ABCC4: variants seen among roughly 807,000 people sequenced by gnomAD.
ABCC4 encodes ATP binding cassette subfamily C member 4 (PEL blood group), also known as ATP-binding cassette sub-family C member 4.
ABCC4 carries 102 observed loss-of-function variants against 168.5 expected under a neutral mutation model. The observed-to-expected ratio is 0.61, with a 90% confidence interval of 0.52 to 0.71. ABCC4 has a LOEUF of 0.71. ABCC4 is among the 30% of genes least tolerant of loss of function. ABCC4 has a pLI of 0.00. For synonymous variants in ABCC4, 617 were observed against 590.7 expected (o/e 1.04, Z -0.65); for missense variants, 1,402 against 1,605.8 (o/e 0.87, Z 2.17).
At chr13:95,209,397 A>G in intron 6 of ABCC4, 37 bp downstream of exon 6, 3 of 1,603,924 alleles carry the variant, frequency 1.9e-6, no homozygotes, top group Non-Finnish European at 2.6e-6. Context: ...ATGTTACCAA[A>G]TACATATGAC....
Position 95,082,134 on chromosome 13 carries a change from T to C in ABCC4, c.2686+1006A>G, listed in dbSNP as rs147086441. On this transcript the variant is annotated intron_variant, in intron 21 of 30. Coordinates refer to ENST00000645237, the MANE Select transcript of ABCC4 (RefSeq NM_005845.5). ...TACTGAAAATGATGGGACTCAATGCTTCTCTTCTAGGCGTGGCTTCCAGAG... is the reference window on the plus strand; with the variant it reads ...TACTGAAAATGATGGGACTCAATGCCTCTCTTCTAGGCGTGGCTTCCAGAG... 9.6e-4 allele frequency among the ~76,000 whole-genome samples: 146 copies of C among 152,358 alleles called. 2 individuals are homozygous for C. The East Asian group carries it at 0.025, about 26-fold the overall frequency.
At chr13:95,157,088 CCACACA>C (rs67671921) in intron 19 of ABCC4, among the ~76,000 whole-genome samples, 8,494 of 134,670 alleles carry the variant, frequency 0.063, 289 homozygotes, top group South Asian at 0.14. Flanking sequence ...TGAGACTCTA[CCACACA>C]CACACACACA....
intron 1 of ABCC4, among the ~76,000 whole-genome samples, chr13:95,275,600 G>T (rs2040952306): frequency 8.9e-6 from 1 of 112,720 alleles, no homozygotes; most frequent in South Asian, 2.7e-4. Flanking sequence ...AAATGTTTAG[G>T]ACTCTTGGCG....
chr13:95,259,168 C>T (rs1293576831), intron 1 of ABCC4, among the ~76,000 whole-genome samples: 1 of 152,094 alleles, frequency 6.6e-6, no homozygotes, highest in Non-Finnish European at 1.5e-5. Flanking sequence ...AGGTGGATCA[C>T]CTGAGGTCAG....
chr13:95,296,849 A>C (rs1282417878), intron 1 of ABCC4, among the ~76,000 whole-genome samples: 1 of 152,220 alleles, frequency 6.6e-6, no homozygotes, highest in Non-Finnish European at 1.5e-5. Flanking sequence ...AACGGGAAAG[A>C]GGAGGAATTA....
At chr13:95,072,153 G>C (rs1301721458) in intron 24 of ABCC4, among the ~76,000 whole-genome samples, 1 of 152,156 alleles carries the variant, frequency 6.6e-6, no homozygotes, top group Non-Finnish European at 1.5e-5. Context: ...GGAATACTTA[G>C]AGCCACCAAT....
At chr13:95,048,883 T>A (rs1386620408) in intron 27 of ABCC4, among the ~76,000 whole-genome samples, 2 of 152,244 alleles carry the variant, frequency 1.3e-5, no homozygotes, top group Non-Finnish European at 2.9e-5. Flanking sequence ...GACTTTTTTC[T>A]CATAAACGAC....
intron 4 of ABCC4, among the ~76,000 whole-genome samples, chr13:95,233,248 A>G (rs1169272148): frequency 6.6e-6 from 1 of 152,010 alleles, no homozygotes; most frequent in Non-Finnish European, 1.5e-5. Flanking sequence ...TACATTATAT[A>G]ATGTATATTT....
At chr13:95,148,531 C>A (rs2036568803) in intron 19 of ABCC4, among the ~76,000 whole-genome samples, 1 of 150,688 alleles carries the variant, frequency 6.6e-6, no homozygotes, top group African/African-American at 2.4e-5. Flanking sequence ...AAATATAATT[C>A]TTATTGTGGT....
intron 21 of ABCC4, among the ~76,000 whole-genome samples, chr13:95,081,998 A>AAAAT (rs560597073): frequency 2.1e-3 from 314 of 152,150 alleles, no homozygotes; most frequent in African/African-American, 6.7e-3. Context: ...ACTCCATCTC[A>AAAAT]AAATAAATAA....
chr13:95,142,941 G>C (rs2036368662), intron 19 of ABCC4, among the ~76,000 whole-genome samples: 1 of 152,168 alleles, frequency 6.6e-6, no homozygotes, highest in African/African-American at 2.4e-5. Context: ...ATGGATGATA[G>C]AAGAATCTCT....
intron 19 of ABCC4, among the ~76,000 whole-genome samples, chr13:95,125,363 T>A (rs939139775): frequency 6.6e-6 from 1 of 152,232 alleles, no homozygotes; most frequent in African/African-American, 2.4e-5. Context: ...TCTGATAGGC[T>A]ACTGCCTGCT....
chr13:95,237,185 C>T (rs1431041868), intron 3 of ABCC4, among the ~76,000 whole-genome samples: 1 of 152,148 alleles, frequency 6.6e-6, no homozygotes, highest in Admixed American at 6.6e-5. Flanking sequence ...GTCACGACTA[C>T]CTAATTGTCC....
At chr13:95,254,234 A>C (rs2040339469) in intron 1 of ABCC4, among the ~76,000 whole-genome samples, 1 of 152,158 alleles carries the variant, frequency 6.6e-6, no homozygotes, top group Admixed American at 6.5e-5. Flanking sequence ...GTAACACTTT[A>C]CTTTCTACCT....
chr13:95,293,091 T>C (rs913485981), intron 1 of ABCC4, among the ~76,000 whole-genome samples: 5 of 152,076 alleles, frequency 3.3e-5, no homozygotes, highest in Non-Finnish European at 7.4e-5. Flanking sequence ...TCTCATCCCC[T>C]GCCAGGAACG....
intron 30 of ABCC4, among the ~76,000 whole-genome samples, chr13:95,025,747 C>T (rs550876303): frequency 6.6e-6 from 1 of 151,888 alleles, no homozygotes; most frequent in Non-Finnish European, 1.5e-5. Flanking sequence ...AAACACATGA[C>T]AAATGTTGAG....
chr13:95,290,113 T>TAGACAGATAGAC (rs1164995062), intron 1 of ABCC4, among the ~76,000 whole-genome samples: 15 of 149,016 alleles, frequency 1.0e-4, no homozygotes, highest in Non-Finnish European at 1.8e-4. Flanking sequence ...AATAGATAGA[T>TAGACAGATAGAC]AGATAGATAG....
In ABCC4 at chr13:95,053,138, A is replaced by G; in HGVS notation, c.3413T>C (p.Phe1138Ser). The change falls in exon 27 of 31, where the codon TTT (phenylalanine) becomes TCT (serine). Residue 1138 changes from phenylalanine to serine, a missense_variant. Physicochemically the swap from Phe to Ser is radical, Grantham distance 155. This residue lies in a region of ABCC4 where 1,007 missense variants were observed against 1,127.3 expected (regional missense o/e 0.89). Transcript: ENST00000645237. ...CAGTTCCTCATCCGTGTGCTCATTA[A>G]AGGGATCCAGGTTTTTCCTCATTGT... is the stretch of plus-strand genomic sequence containing the variant. The part of the protein sequence containing the change: ...TGTMRKNLDP[F>S]NEHTDEELWN... 6.2e-7 allele frequency: 1 copy of G among 1,614,164 alleles called. No homozygotes were observed. Among genetic ancestry groups the G allele is most frequent in the Non-Finnish European group, 8.5e-7 (1 of 1,180,002 alleles).
At chr13:95,160,972 T>C (rs962521219) in intron 19 of ABCC4, among the ~76,000 whole-genome samples, 1 of 152,114 alleles carries the variant, frequency 6.6e-6, no homozygotes, top group Non-Finnish European at 1.5e-5. Context: ...CACATATAAA[T>C]TGGAATAAAA....
Sources: allele counts gnomAD v4.1 joint callset (sites outside exome capture counted in the v4.1 genomes callset), GRCh38; gene constraint gnomAD v4.1.1; regional missense constraint gnomAD v4.1.1; transcripts MANE v1.5; gene names NCBI Gene and HGNC (gene_info 2026-07-23, HGNC 2026-07-21).